JAZF1: variants seen among roughly 807,000 people sequenced by gnomAD.
The protein encoded by JAZF1 is JAZF zinc finger 1.
JAZF1 carries 8 observed loss-of-function variants against 26.4 expected under a neutral mutation model. The ratio of observed to expected loss-of-function variants is 0.30; its 90% confidence interval spans 0.18 to 0.55. The LOEUF (loss-of-function observed/expected upper bound fraction) is 0.55, where lower values mean the gene tolerates loss of function less well. Ranked by LOEUF, JAZF1 falls within the 20% of genes least tolerant of loss-of-function variation. The pLI, the probability that JAZF1 is intolerant of heterozygous loss-of-function variation, is 0.94. For synonymous variants in JAZF1, 126 were observed against 122.3 expected, an observed-to-expected ratio of 1.03 and a Z score of -0.20; for missense variants, 199 against 322.0, an observed-to-expected ratio of 0.62 and a Z score of 2.92.
intron 2 of JAZF1, among the ~76,000 whole-genome samples, chr7:27,905,264 C>T (rs982564964): frequency 4.6e-5 from 7 of 152,106 alleles, no homozygotes; most frequent in South Asian, 2.1e-4. Context: ...CACGCCTGGC[C>T]TGTTTTTCTA....
chr7:27,992,908 TC>T (rs1291485262), intron 1 of JAZF1, among the ~76,000 whole-genome samples: 1 of 152,194 alleles, frequency 6.6e-6, no homozygotes, highest in African/African-American at 2.4e-5. Context: ...AGATGTTGTT[TC>T]CAGCACCTTT....
intron 1 of JAZF1, among the ~76,000 whole-genome samples, chr7:28,014,028 T>C (rs1782841444): frequency 6.7e-6 from 1 of 148,832 alleles, no homozygotes; most frequent in Non-Finnish European, 1.5e-5. Context: ...TGGCTGCTAG[T>C]TAAATCAACT....
At position 28,025,179 on chromosome 7, in the gene JAZF1, G is replaced by A. The variant is rs77452549; in HGVS notation, c.116-33198C>T. 6.9e-4 allele frequency among the ~76,000 whole-genome samples: 105 copies of A among 152,246 alleles called. 1 individual carries two copies. The East Asian group carries it at 0.019, about 27-fold the overall frequency. On this transcript the variant is annotated intron_variant, in intron 1 of 4. Transcript: ENST00000283928. ...CTTAGTCACACTCTTCCCCTCTTGG[G>A]GTTTAGCTACTTTGTCACCTCCCTG...
intron 3 of JAZF1, 115 bp downstream of exon 3, chr7:27,895,105 G>C: frequency 5.9e-6 from 3 of 508,056 alleles, no homozygotes; most frequent in Non-Finnish European, 1.0e-5. Flanking sequence ...GATCAACGAT[G>C]TGGTGGGTCT....
chr7:27,937,411 T>C (rs1784777060), intron 2 of JAZF1, among the ~76,000 whole-genome samples: 1 of 152,164 alleles, frequency 6.6e-6, no homozygotes, highest in Admixed American at 6.5e-5. Flanking sequence ...GAGGATTAAA[T>C]GAAGTACATA....
intron 1 of JAZF1, among the ~76,000 whole-genome samples, chr7:28,030,090 C>G (rs1045446928): frequency 6.6e-6 from 1 of 152,212 alleles, no homozygotes; most frequent in Non-Finnish European, 1.5e-5. Flanking sequence ...GGCGGTGCCC[C>G]TCTAGATGCA....
chr7:27,971,471 G>C (rs902186744), intron 2 of JAZF1, among the ~76,000 whole-genome samples: 9 of 152,176 alleles, frequency 5.9e-5, no homozygotes, highest in African/African-American at 1.7e-4. Flanking sequence ...TTGCCAGTGA[G>C]AGAGCCTTCA....
intron 1 of JAZF1, among the ~76,000 whole-genome samples, chr7:28,051,177 G>GT (rs201644492): frequency 0.069 from 6,936 of 101,116 alleles, 516 homozygotes; most frequent in African/African-American, 0.19. Flanking sequence ...TACTATAACT[G>GT]TTTTTTTTTA....
intron 1 of JAZF1, among the ~76,000 whole-genome samples, chr7:28,106,149 T>C (rs1394141549): frequency 6.6e-6 from 1 of 152,216 alleles, no homozygotes; most frequent in Non-Finnish European, 1.5e-5. Flanking sequence ...ATAGTAAAAC[T>C]AGAGAAAATA....
chr7:27,944,503 G>A (rs767683429), intron 2 of JAZF1, among the ~76,000 whole-genome samples: 1 of 152,162 alleles, frequency 6.6e-6, no homozygotes, highest in South Asian at 2.1e-4. Flanking sequence ...TGTTTTGTAG[G>A]TGGGTGCCCA....
At chr7:28,063,918 C>A (rs980682120) in intron 1 of JAZF1, among the ~76,000 whole-genome samples, 1 of 152,082 alleles carries the variant, frequency 6.6e-6, no homozygotes, top group East Asian at 1.9e-4. Flanking sequence ...TCAAGAAATG[C>A]CACAGTGTGA....
intron 1 of JAZF1, among the ~76,000 whole-genome samples, chr7:28,129,059 G>A (rs1782747628): frequency 6.6e-6 from 1 of 151,910 alleles, no homozygotes; most frequent in Admixed American, 6.6e-5. Flanking sequence ...TCTTTTCCTT[G>A]ACCCTTCATG....
intron 2 of JAZF1, among the ~76,000 whole-genome samples, chr7:27,987,174 G>A (rs13231843): frequency 0.023 from 3,461 of 150,692 alleles, 63 homozygotes; most frequent in African/African-American, 0.049. Context: ...AGTGAGGAGC[G>A]CCTCTTCCCG....
intron 1 of JAZF1, among the ~76,000 whole-genome samples, chr7:28,121,156 C>T (rs1583571856): frequency 6.9e-6 from 1 of 144,262 alleles, no homozygotes; most frequent in African/African-American, 2.6e-5. Flanking sequence ...GCCGAGATCG[C>T]ACTACCGCAC....
At chr7:27,920,620 G>A (rs1339991069) in intron 2 of JAZF1, among the ~76,000 whole-genome samples, 1 of 152,202 alleles carries the variant, frequency 6.6e-6, no homozygotes, top group Non-Finnish European at 1.5e-5. Flanking sequence ...TAAAAGGGGA[G>A]CATGTGAATA....
rs370426374 is a variant in JAZF1 at position 28,047,965 on chromosome 7, T to C, written c.116-55984A>G. On this transcript the variant is annotated intron_variant, in intron 1 of 4. Transcript: ENST00000283928. ...CTGTAGAATAAGCCTGGATGTGTTC[T>C]GTCTTTCTCTATGCTTTGGAGGTGT... 5.5e-4 allele frequency among the ~76,000 whole-genome samples: 84 copies of C among 152,352 alleles called. 1 individual carries two copies. Among genetic ancestry groups the C allele is most frequent in the East Asian group, 4.4e-3 (23 of 5,192 alleles).
chr7:27,887,663 G>A (rs910942029), intron 3 of JAZF1, among the ~76,000 whole-genome samples: 15 of 152,098 alleles, frequency 9.9e-5, no homozygotes, highest in African/African-American at 2.9e-4. Flanking sequence ...GGATCTGTCC[G>A]TCTTGGACTC....
At chr7:27,959,899 CAAAA>C (rs10592879) in intron 2 of JAZF1, among the ~76,000 whole-genome samples, 144 of 147,306 alleles carry the variant, frequency 9.8e-4, no homozygotes, top group East Asian at 8.0e-4. Flanking sequence ...GATGCTGTCT[CAAAA>C]AAAAAAAAAA....
intron 1 of JAZF1, among the ~76,000 whole-genome samples, chr7:28,091,125 C>CA (rs1784290400): frequency 6.6e-6 from 1 of 151,650 alleles, no homozygotes; most frequent in Admixed American, 6.6e-5. Context: ...CGCGCCCGGC[C>CA]TTTTTTTTAG....
Sources: allele counts gnomAD v4.1 joint callset (sites outside exome capture counted in the v4.1 genomes callset), GRCh38; gene constraint gnomAD v4.1.1; transcripts MANE v1.5; gene names NCBI Gene and HGNC (gene_info 2026-07-23, HGNC 2026-07-21).